TAF6L: variants seen among roughly 807,000 people sequenced by gnomAD.
TAF6L encodes TAF6-like RNA polymerase II p300/CBP-associated factor-associated factor 65 kDa subunit 6L.
TAF6L carries 34 observed loss-of-function variants against 57.3 expected under a neutral mutation model. The ratio of observed to expected loss-of-function variants is 0.59; its 90% CI spans 0.45 to 0.79. The LOEUF is 0.79. Ranked by LOEUF, TAF6L falls within the 30% of genes least tolerant of loss-of-function variation. The pLI is 0.00. For synonymous variants in TAF6L, 417 were observed against 376.3 expected, an observed-to-expected ratio of 1.11 and a Z score of -1.25; for missense variants, 782 against 853.2, an observed-to-expected ratio of 0.92 and a Z score of 1.04.
At chr11:62,773,993 G>A (rs2084167932) in intron 1 of TAF6L, among the ~76,000 whole-genome samples, 1 of 152,162 alleles carries the variant, frequency 6.6e-6, no homozygotes, top group Non-Finnish European at 1.5e-5. Context: ...CAGAACACAA[G>A]AAAGTAGGAG....
chr11:62,786,149 A>G lies in TAF6L; in HGVS notation c.961-111A>G, dbSNP rs1275892848. The G allele has an allele frequency of 2.2e-6, 3 of 1,372,064 alleles. No individual in the cohort carries two copies. In the African/African-American group the frequency reaches 4.3e-5, roughly 20 times the overall value. 85.0% of individuals were successfully genotyped at this position (1,372,064 alleles called of 1,614,324 possible). A position where few individuals can be genotyped will look rare whatever the true frequency, so the allele number is the denominator to read the frequency against. On this transcript the variant is annotated intron_variant, in intron 9 of 10. Coordinates refer to ENST00000294168, the MANE Select transcript of TAF6L (RefSeq NM_006473.4). ...TATGCCAATCAGGGAATTTAGGAGG[A>G]TTGAGCCCTGTCTAGGATCAGAGAT...
chr11:62,783,805 T>A (rs918752425), intron 9 of TAF6L, among the ~76,000 whole-genome samples: 2 of 151,768 alleles, frequency 1.3e-5, no homozygotes, highest in Non-Finnish European at 2.9e-5. Flanking sequence ...AGTGCTGGGA[T>A]TATAGGCATG....
chr11:62,778,460 G>A (rs2084203404), intron 5 of TAF6L, 125 bp downstream of exon 5: 2 of 1,179,086 alleles, frequency 1.7e-6, no homozygotes, highest in African/African-American at 3.0e-5. Flanking sequence ...TTGTGCCATG[G>A]TCTGAGTGGG....
chr11:62,786,580 G>C lies in TAF6L; in HGVS notation c.1153G>C (p.Gly385Arg). Residue 385 changes from glycine (G) to arginine (R), a missense_variant, in exon 11 of 11, where the codon GGT becomes CGT. Gly to Arg is a moderately radical substitution (Grantham distance 125). This residue lies in a region of TAF6L where 483 missense variants were observed against 445.1 expected (regional missense o/e 1.09). Transcript: ENST00000294168. Reference sequence around the variant, plus strand: ...AGCAGAGCCCAACAGGGGTGGCCCAGGTGGCAGGGGGTGCCGGCGCCTGGA... The same window carrying C: ...AGCAGAGCCCAACAGGGGTGGCCCACGTGGCAGGGGGTGCCGGCGCCTGGA... ...QAAEPNRGGP[G>R]GRGCRRLDDL... The C allele has an allele frequency of 6.4e-7, 1 of 1,572,628 alleles. No homozygotes were observed. The highest frequency in any genetic ancestry group is 1.2e-5 in the South Asian group (1 of 83,830).
chr11:62,785,141 C>T (rs1393420883), intron 9 of TAF6L, among the ~76,000 whole-genome samples: 2 of 148,788 alleles, frequency 1.3e-5, no homozygotes, highest in Non-Finnish European at 3.0e-5. Flanking sequence ...CCTCGCCTAT[C>T]TTTTTCTTGA....
At chr11:62,778,168 G>C (rs781673560) in intron 4 of TAF6L, 40 bp downstream of exon 4, 59 of 1,613,800 alleles carry the variant, frequency 3.7e-5, no homozygotes, top group Non-Finnish European at 4.7e-5. Flanking sequence ...GATGGGAGTT[G>C]GGCCGTGAAG....
rs766805628 is a variant in TAF6L at position 62,778,860 on chromosome 11, C to T, written c.437-9C>T. ...CACCTGTCCCTGCTTCCTGCCTGTC[C>T]TCTGGCAGTGCCCAGTGCTGTGTCT... On this transcript the variant is annotated splice_polypyrimidine_tract_variant and intron_variant, in intron 5 of 10. Coordinates refer to ENST00000294168, the MANE Select transcript of TAF6L (RefSeq NM_006473.4). 13 of 1,613,294 alleles carry T rather than the reference C, an allele frequency of 8.1e-6. No individual in the cohort carries two copies. Among genetic ancestry groups the T allele is most frequent in the Middle Eastern group, 3.3e-4 (2 of 6,084 alleles).
Position 62,775,821 on chromosome 11 carries a change from C to G in TAF6L, c.38C>G (p.Pro13Arg). ...GAAGAGCGGCGGTTTGTGGAGATCC[C>G]TCGGGAGTCTGTCCGGCTCATGGCG... The part of the protein sequence containing the change: ...EREERRFVEI[P>R]RESVRLMAES... The change falls in exon 2 of 11, where the codon CCT becomes CGT. Residue 13 changes from proline to arginine, a missense_variant. Transcript: ENST00000294168. 6.2e-7 allele frequency: 1 copy of G among 1,612,664 alleles called. No homozygotes were observed.
chr11:62,774,664 C>A (rs1011707759), intron 1 of TAF6L: 9 of 454,938 alleles, frequency 2.0e-5, no homozygotes, highest in Non-Finnish European at 4.0e-5. Context: ...TTGTGCTATA[C>A]CCTGTGAACA....
At chr11:62,782,401 G>A (rs2084237158) in intron 8 of TAF6L, 68 bp downstream of exon 8, 1 of 1,517,170 alleles carries the variant, frequency 6.6e-7, no homozygotes, top group African/African-American at 1.4e-5. Context: ...TAAGGAAATG[G>A]GGCGAAGCCT....
chr11:62,782,861 A>G, intron 9 of TAF6L, 36 bp downstream of exon 9: 2 of 1,606,040 alleles, frequency 1.2e-6, no homozygotes, highest in Non-Finnish European at 1.7e-6. Context: ...AGCCGTAAGA[A>G]CTCCCATTTG....
chr11:62,783,897 C>T (rs1332894212), intron 9 of TAF6L, among the ~76,000 whole-genome samples: 1 of 150,376 alleles, frequency 6.6e-6, no homozygotes, highest in Non-Finnish European at 1.5e-5. Context: ...ATGGATTCTT[C>T]TTCTGAACCA....
intron 9 of TAF6L, 88 bp from the exon 10 acceptor site, chr11:62,786,172 G>T: frequency 6.6e-7 from 1 of 1,505,962 alleles, no homozygotes; most frequent in Middle Eastern, 2.0e-4. Context: ...TAGGATCAGA[G>T]ATAAAGGTAG....
At chr11:62,773,987 A>G (rs1480539544) in intron 1 of TAF6L, among the ~76,000 whole-genome samples, 1 of 152,210 alleles carries the variant, frequency 6.6e-6, no homozygotes, top group Non-Finnish European at 1.5e-5. Flanking sequence ...GGAATACAGA[A>G]CACAAGAAAG....
At chr11:62,779,974 A>ATTTTTTT (rs1432226168) in intron 6 of TAF6L, among the ~76,000 whole-genome samples, 15 of 74,916 alleles carry the variant, frequency 2.0e-4, no homozygotes, top group African/African-American at 7.5e-4. Context: ...ATATATATAT[A>ATTTTTTT]TATTTTTTTT....
chr11:62,786,205 T>C, intron 9 of TAF6L, 55 bp from the exon 10 acceptor site: 1 of 1,572,286 alleles, frequency 6.4e-7, no homozygotes, highest in Non-Finnish European at 8.7e-7. Context: ...AAAGGGTCCT[T>C]GAGAGGGAAT....
chr11:62,783,035 C>T (rs1246428916), intron 9 of TAF6L, among the ~76,000 whole-genome samples: 1 of 152,230 alleles, frequency 6.6e-6, no homozygotes, highest in East Asian at 1.9e-4. Flanking sequence ...CTGATGTCCC[C>T]ACATTTTATA....
chr11:62,784,007 G>GTGA (rs2084250322), intron 9 of TAF6L, among the ~76,000 whole-genome samples: 3 of 596 alleles, frequency 5.0e-3, no homozygotes, highest in East Asian at 0.042. Context: ...TCCAGCCCGG[G>GTGA]CGACAGAGTC....
chr11:62,780,322 C>G (rs555697996), intron 6 of TAF6L, among the ~76,000 whole-genome samples: 1 of 151,430 alleles, frequency 6.6e-6, no homozygotes, highest in South Asian at 2.1e-4. Flanking sequence ...ACCAGCCTGG[C>G]TAACATGGTG....
Sources: allele counts gnomAD v4.1 joint callset (sites outside exome capture counted in the v4.1 genomes callset), GRCh38; gene constraint gnomAD v4.1.1; regional missense constraint gnomAD v4.1.1; transcripts MANE v1.5; gene names NCBI Gene and HGNC (gene_info 2026-07-23, HGNC 2026-07-21).